The following PDE10A variants were observed in gnomAD, a reference collection of about 807,000 sequenced individuals.
The protein encoded by PDE10A is phosphodiesterase 10A, also known as cAMP and cAMP-inhibited cGMP 3',5'-cyclic phosphodiesterase 10A.
PDE10A carries 39 observed loss-of-function variants against 97.7 expected under a neutral mutation model. The ratio of observed to expected loss-of-function variants is 0.40; its 90% CI spans 0.31 to 0.52. PDE10A has a LOEUF of 0.52. Ranked by LOEUF, PDE10A falls within the 20% of genes least tolerant of loss-of-function variation. The pLI, the probability that PDE10A is intolerant of heterozygous loss-of-function variation, is 0.56. For synonymous variants in PDE10A, 371 were observed against 376.8 expected (o/e 0.98, Z 0.18); for missense variants, 731 against 1,047.8 (o/e 0.70, Z 4.17).
intron 1 of PDE10A, among the ~76,000 whole-genome samples, chr6:165,659,073 A>C (rs1007419544): frequency 6.6e-6 from 1 of 152,188 alleles, no homozygotes; most frequent in Non-Finnish European, 1.5e-5. Flanking sequence ...TGTTTGGTGC[A>C]TGAGTGAGCG....
intron 1 of PDE10A, among the ~76,000 whole-genome samples, chr6:165,934,030 G>T (rs1026509085): frequency 6.6e-6 from 1 of 151,264 alleles, no homozygotes; most frequent in South Asian, 2.1e-4. Flanking sequence ...CGATGCCCAG[G>T]CTGAGTGTAC....
intron 1 of PDE10A, among the ~76,000 whole-genome samples, chr6:165,641,863 C>A (rs114581764): frequency 1.4e-4 from 22 of 152,194 alleles, no homozygotes; most frequent in Non-Finnish European, 2.5e-4. Flanking sequence ...CTCTGGCAAG[C>A]GGTGTTTCGG....
chr6:165,689,872 T>C (rs951097848), intron 1 of PDE10A, among the ~76,000 whole-genome samples: 4 of 152,220 alleles, frequency 2.6e-5, no homozygotes, highest in African/African-American at 9.6e-5. Flanking sequence ...AGAATGTTCA[T>C]ACCCTGATGC....
chr6:165,973,861 C>A (rs1272925573), intron 1 of PDE10A, among the ~76,000 whole-genome samples: 1 of 152,172 alleles, frequency 6.6e-6, no homozygotes, highest in Admixed American at 6.5e-5. Flanking sequence ...GATACTTGGG[C>A]AATTTCTTTC....
chr6:165,808,712 T>C (rs1224864013), intron 1 of PDE10A, among the ~76,000 whole-genome samples: 1 of 152,260 alleles, frequency 6.6e-6, no homozygotes, highest in Non-Finnish European at 1.5e-5. Flanking sequence ...TAATGTTTAC[T>C]TGTCAAAGGC....
intron 1 of PDE10A, chr6:165,660,852 A>T (rs1384892075): frequency 6.6e-6 from 1 of 151,904 alleles, no homozygotes; most frequent in East Asian, 2.0e-4. Context: ...GGGAAGCCGC[A>T]CCCGCCCCGA....
At chr6:165,833,778 T>G (rs1367159762) in intron 1 of PDE10A, among the ~76,000 whole-genome samples, 1 of 152,224 alleles carries the variant, frequency 6.6e-6, no homozygotes, top group African/African-American at 2.4e-5. Context: ...CTGACTTCCA[T>G]TCCAGGTAAG....
intron 1 of PDE10A, among the ~76,000 whole-genome samples, chr6:165,800,910 G>A (rs2128465456): frequency 6.6e-6 from 1 of 152,314 alleles, no homozygotes; most frequent in South Asian, 2.1e-4. Context: ...TGCACTCTGA[G>A]AGTTGAAATT....
At chr6:165,911,819 A>G (rs1420613353) in intron 1 of PDE10A, among the ~76,000 whole-genome samples, 1 of 152,094 alleles carries the variant, frequency 6.6e-6, no homozygotes, top group Non-Finnish European at 1.5e-5. Flanking sequence ...CAGAGCCAGC[A>G]CCCAAAAGGC....
intron 1 of PDE10A, among the ~76,000 whole-genome samples, chr6:165,544,572 G>GT (rs1282771602): frequency 1.3e-4 from 14 of 107,470 alleles, no homozygotes; most frequent in African/African-American, 8.3e-4. Flanking sequence ...GGATGGTTAG[G>GT]TTAAAAAAAA....
intron 18 of PDE10A, among the ~76,000 whole-genome samples, chr6:165,355,084 T>C (rs1385641360): frequency 1.2e-4 from 19 of 152,172 alleles, no homozygotes; most frequent in Admixed American, 1.2e-3. Context: ...GAATTAAGGA[T>C]CATTCCATAT....
rs111980916 is a variant in PDE10A, at chr6:165,821,350, T to A, written c.-615+166179A>T. ...CCCCCTTCAGAACAAAAACTGAAAATCATGATCGTGACAACAGAGTGAGAC... is the reference window on the plus strand; with the variant it reads ...CCCCCTTCAGAACAAAAACTGAAAAACATGATCGTGACAACAGAGTGAGAC... On this transcript the variant is annotated intron_variant, in intron 1 of 19. Transcript: ENST00000366882. 4.0e-3 allele frequency among the ~76,000 whole-genome samples: 604 copies of A among 152,226 alleles called. 3 individuals are homozygous for A. Among genetic ancestry groups the A allele is most frequent in the Non-Finnish European group, 4.3e-3 (294 of 68,022 alleles).
At chr6:165,394,515 C>T (rs1196015423) in intron 15 of PDE10A, among the ~76,000 whole-genome samples, 1 of 152,096 alleles carries the variant, frequency 6.6e-6, no homozygotes. Flanking sequence ...ATGAACAGTG[C>T]CACAATAAAC....
In PDE10A at chr6:165,329,275, C is replaced by T. The variant is rs1268332477; in HGVS notation, c.*3750G>A. The T allele has an allele frequency of 6.6e-6, 1 of 152,098 alleles. No individual in the cohort carries two copies. The highest frequency in any genetic ancestry group is 2.4e-5 in the African/African-American group (1 of 41,420). The allele number at this position is 152,098 out of a possible 1,614,324, so 9.4% of individuals were successfully genotyped here. A position where few individuals can be genotyped will look rare whatever the true frequency, so the allele number is the denominator to read the frequency against. ...TGAACAGTTCACTGGTTATAGTCAC[C>T]AGGGTATATGTCAATGAAGTCAAAT... On this transcript the variant is annotated 3_prime_UTR_variant, in exon 22 of 22. Coordinates refer to ENST00000539869, the MANE Select transcript of PDE10A (RefSeq NM_001385079.1).
intron 1 of PDE10A, among the ~76,000 whole-genome samples, chr6:165,729,746 C>T (rs1792381888): frequency 6.6e-6 from 1 of 151,936 alleles, no homozygotes. Context: ...TATCTATTTG[C>T]TATCAAATAT....
At chr6:165,678,187 GTC>G in intron 1 of PDE10A, among the ~76,000 whole-genome samples, 1 of 3,478 alleles carries the variant, frequency 2.9e-4, no homozygotes, top group South Asian at 7.1e-3. Flanking sequence ...GTCCATGTGT[GTC>G]TGTGTATGTA....
chr6:165,912,991 C>G (rs924052739), intron 1 of PDE10A, among the ~76,000 whole-genome samples: 10 of 152,162 alleles, frequency 6.6e-5, no homozygotes, highest in Non-Finnish European at 1.5e-4. Context: ...TCAAAATGCT[C>G]TAAAATCTGA....
chr6:165,419,949 T>C (rs972404859), intron 10 of PDE10A, among the ~76,000 whole-genome samples: 2 of 152,208 alleles, frequency 1.3e-5, no homozygotes, highest in African/African-American at 2.4e-5. Flanking sequence ...ACTACTACTA[T>C]AGAACTATTA....
chr6:165,826,525 G>T (rs1424153262), intron 1 of PDE10A, among the ~76,000 whole-genome samples: 1 of 150,430 alleles, frequency 6.6e-6, no homozygotes, highest in Non-Finnish European at 1.5e-5. Flanking sequence ...GTGTTACTCT[G>T]CCCCTGTGTC....
Sources: allele counts gnomAD v4.1 joint callset (sites outside exome capture counted in the v4.1 genomes callset), GRCh38; gene constraint gnomAD v4.1.1; transcripts MANE v1.5; gene names NCBI Gene and HGNC (gene_info 2026-07-23, HGNC 2026-07-21).